The following PUS7 variants were observed in gnomAD, a reference collection of about 807,000 sequenced individuals.
PUS7 encodes pseudouridine synthase 7, also known as pseudouridylate synthase 7 homolog.
A neutral mutation model predicts 79.8 loss-of-function variants in PUS7; 48 were observed. That is an observed-to-expected ratio of 0.60 (90% CI 0.48 to 0.76). The LOEUF (loss-of-function observed/expected upper bound fraction) is 0.76, where lower values mean the gene tolerates loss of function less well. Ranked by LOEUF, PUS7 falls within the 30% of genes least tolerant of loss-of-function variation. The pLI, the probability that PUS7 is intolerant of heterozygous loss-of-function variation, is 0.00. For missense variants in PUS7, 729 were observed against 797.6 expected (o/e 0.91, Z 1.04); for synonymous variants, 286 against 272.2 (o/e 1.05, Z -0.50).
In PUS7 at chr7:105,457,816, G is replaced by A. The variant is rs766211731; in HGVS notation, c.1960C>T (p.Gln654Ter). Residue 654 changes from glutamine (Q) to a stop codon, truncating the protein, a stop_gained, in exon 16 of 16, where the codon CAG becomes TAG. Transcript: ENST00000469408. LOFTEE classifies it high-confidence loss of function. ...CAGCGAAGCCAGGTTGTATTCAGCT[G>A]CGTCTGGTTCTTGATACTGGTATCC... is the stretch of plus-strand genomic sequence containing the variant. ...KMDTSIKNQT[Q>*]LNTTWLR is the part of the protein sequence containing the mutation. The A allele has an allele frequency of 6.2e-7, 1 of 1,614,124 alleles. No individual in the cohort carries two copies. Among genetic ancestry groups the A allele is most frequent in the Non-Finnish European group, 8.5e-7 (1 of 1,179,978 alleles).
In PUS7 at chr7:105,508,233, C is replaced by A; in HGVS notation, c.280G>T (p.Glu94Ter). The change falls in exon 2 of 16, where the codon GAG becomes TAG. Residue 94 changes from glutamate (E) to a stop codon, truncating the protein, a stop_gained. Coordinates refer to ENST00000469408, the MANE Select transcript of PUS7 (RefSeq NM_019042.5). LOFTEE classifies it high-confidence loss of function. ...GCAAAACTCTCTGATTCCTCCTCCT[C>A]GCACTCCTCTGAAAGTCCATCTTCC... is the stretch of plus-strand genomic sequence containing the variant. ...EEEDGLSEEC[E>*]EEESESFADM... 6.2e-7 allele frequency: 1 copy of A among 1,614,154 alleles called. No homozygotes were observed. The highest frequency in any genetic ancestry group is 8.5e-7 in the Non-Finnish European group (1 of 1,180,024).
At chr7:105,516,000 G>A (rs542065093) in intron 1 of PUS7, among the ~76,000 whole-genome samples, 30 of 152,072 alleles carry the variant, frequency 2.0e-4, no homozygotes, top group East Asian at 9.7e-4. Flanking sequence ...TACTAGAGAC[G>A]GGGTTTCACC....
chr7:105,497,840 A>G (rs1253027857), intron 5 of PUS7, among the ~76,000 whole-genome samples: 1 of 152,230 alleles, frequency 6.6e-6, no homozygotes, highest in Non-Finnish European at 1.5e-5. Flanking sequence ...AATCTTAAAG[A>G]TGGTTTATGG....
rs111247077 is a variant in PUS7, at chr7:105,460,630, G to A, written c.1758-1371C>T. 2.8e-3 allele frequency among the ~76,000 whole-genome samples: 419 copies of A among 151,624 alleles called. 2 individuals carry two copies. In the East Asian group the frequency reaches 0.031, roughly 11 times the overall value. ...AGCACTTTGGGAGGCCGAGGCGGGC[G>A]GATCACGAGGTCAGGAGATCGAGAC... is the stretch of plus-strand genomic sequence containing the variant. On this transcript the variant is annotated intron_variant, in intron 14 of 15. Coordinates refer to ENST00000469408, the MANE Select transcript of PUS7 (RefSeq NM_019042.5).
At chr7:105,514,581 G>A (rs1242745744) in intron 1 of PUS7, among the ~76,000 whole-genome samples, 1 of 151,760 alleles carries the variant, frequency 6.6e-6, no homozygotes, top group African/African-American at 2.4e-5. Context: ...TCCAGCCTGG[G>A]TGACAGAGCG....
chr7:105,519,987 T>C (rs1826041897), intron 1 of PUS7, among the ~76,000 whole-genome samples: 1 of 152,186 alleles, frequency 6.6e-6, no homozygotes, highest in Non-Finnish European at 1.5e-5. Flanking sequence ...GGAAAAACGC[T>C]GCTTCATTAA....
At chr7:105,467,782 A>G (rs896935670) in intron 12 of PUS7, among the ~76,000 whole-genome samples, 5 of 151,888 alleles carry the variant, frequency 3.3e-5, no homozygotes, top group African/African-American at 1.2e-4. Flanking sequence ...TAATCCCAGC[A>G]CTTTGGGAGG....
Position 105,508,908 on chromosome 7 carries a change from C to T in PUS7, c.-32-364G>A, listed in dbSNP as rs558739670. Among the ~76,000 whole-genome samples, 8 of 110,580 alleles carry T rather than the reference C, an allele frequency of 7.2e-5. No individual in the cohort carries two copies. The South Asian group carries it at 1.0e-3, about 14-fold the overall frequency. The allele number at this position is 110,580 out of a possible 152,430, so 72.5% of individuals were successfully genotyped here. A position where few individuals can be genotyped will look rare whatever the true frequency, so the allele number is the denominator to read the frequency against. ...AAAAAAAAAAAAAAAAGGTCAGGCA[C>T]GGTGGCTCACACCTGTAATCCCAGC... On this transcript the variant is annotated intron_variant, in intron 1 of 15. Transcript: ENST00000469408.
At chr7:105,468,193 A>G in intron 12 of PUS7, 144 bp downstream of exon 12, 1 of 1,120,972 alleles carries the variant, frequency 8.9e-7, no homozygotes, top group Non-Finnish European at 1.2e-6. Flanking sequence ...TTGGCCACCC[A>G]AAGTGTCAGG....
At chr7:105,510,942 G>T (rs1450524917) in intron 1 of PUS7, among the ~76,000 whole-genome samples, 2 of 152,144 alleles carry the variant, frequency 1.3e-5, no homozygotes, top group Non-Finnish European at 2.9e-5. Flanking sequence ...AAAAGAAAAT[G>T]AATATGCTAG....
intron 12 of PUS7, among the ~76,000 whole-genome samples, chr7:105,466,182 G>A (rs560865763): frequency 2.0e-5 from 3 of 151,048 alleles, no homozygotes; most frequent in African/African-American, 7.3e-5. Flanking sequence ...AAAAAATTAA[G>A]TTTGGATATA....
At chr7:105,488,938 G>A (rs1301083982) in intron 7 of PUS7, among the ~76,000 whole-genome samples, 2 of 152,014 alleles carry the variant, frequency 1.3e-5, no homozygotes, top group Non-Finnish European at 2.9e-5. Context: ...CACGAGGTCA[G>A]GAGATCGAGA....
chr7:105,505,018 T>TTTTTTTTTTTTTTTTTTTTTTTTG, intron 4 of PUS7, among the ~76,000 whole-genome samples: 1 of 150,372 alleles, frequency 6.7e-6, no homozygotes, highest in Non-Finnish European at 1.5e-5. Flanking sequence ...TTTTTTTTTT[T>TTTTTTTTTTTTTTTTTTTTTTTTG]GATATGGAGT....
intron 5 of PUS7, among the ~76,000 whole-genome samples, chr7:105,498,089 G>C (rs968778199): frequency 1.2e-4 from 19 of 152,132 alleles, no homozygotes; most frequent in Admixed American, 3.3e-4. Flanking sequence ...ATGAGTTTTG[G>C]CTCACAAGCA....
intron 1 of PUS7, 141 bp downstream of exon 1, chr7:105,521,911 C>G (rs969977532): frequency 6.7e-6 from 1 of 148,498 alleles, no homozygotes. Context: ...GGAGGCGCCG[C>G]GGGCTCTGAC....
intron 4 of PUS7, 123 bp from the exon 5 acceptor site, chr7:105,502,687 A>G (rs1191134105): frequency 1.2e-5 from 13 of 1,070,402 alleles, no homozygotes; most frequent in Non-Finnish European, 1.8e-5. Context: ...AAGTGCCTGC[A>G]TACGATTTCA....
intron 4 of PUS7, among the ~76,000 whole-genome samples, chr7:105,505,518 G>A (rs1825419168): frequency 6.6e-6 from 1 of 152,168 alleles, no homozygotes. Context: ...TGGTGGTCCT[G>A]TTACAACGGA....
intron 7 of PUS7, 104 bp from the exon 8 acceptor site, chr7:105,482,544 A>C: frequency 8.2e-7 from 1 of 1,218,406 alleles, no homozygotes; most frequent in Non-Finnish European, 1.1e-6. Flanking sequence ...GATACAGCAC[A>C]CCTATGACCC....
intron 9 of PUS7, among the ~76,000 whole-genome samples, chr7:105,475,977 CAT>C (rs1325088999): frequency 1.3e-5 from 2 of 152,106 alleles, no homozygotes; most frequent in East Asian, 1.9e-4. Flanking sequence ...TGTCAGGTAA[CAT>C]AAAGTTTCCA....
Sources: allele counts gnomAD v4.1 joint callset (sites outside exome capture counted in the v4.1 genomes callset), GRCh38; gene constraint gnomAD v4.1.1; transcripts MANE v1.5; gene names NCBI Gene and HGNC (gene_info 2026-07-23, HGNC 2026-07-21).